The following CHD7 variants were observed in gnomAD, a reference collection of about 807,000 sequenced individuals.
The protein encoded by CHD7 is chromodomain helicase DNA binding protein 7, also known as ATP-dependent chromatin remodeler CHD7.
CHD7 carries 24 observed loss-of-function variants against 307.3 expected under a neutral mutation model. The ratio of observed to expected loss-of-function variants is 0.08; its 90% CI spans 0.06 to 0.11. The LOEUF (loss-of-function observed/expected upper bound fraction) is 0.11. Among genes scored for constraint, CHD7 ranks in the 10% least tolerant of loss-of-function variants. The pLI is 1.00. For missense variants in CHD7, 3,106 were observed against 3,727.1 expected (o/e 0.83, Z 4.34); for synonymous variants, 1,363 against 1,349.9 (o/e 1.01, Z -0.21).
rs1355483450 is a variant in CHD7, at chr8:60,773,767, C to T, written c.1666-7233C>T. On this transcript the variant is annotated intron_variant, in intron 2 of 37. Coordinates refer to ENST00000423902, the MANE Select transcript of CHD7 (RefSeq NM_017780.4). ...ACAAATTAGGCCTCGATATTGATTG[C>T]ATTGAATTATGCTAGTGGAGTGATT... Among the ~76,000 whole-genome samples, 3 of 152,098 alleles carry T rather than the reference C, an allele frequency of 2.0e-5. No homozygotes were observed. In the East Asian group the frequency reaches 5.8e-4, roughly 29 times the overall value.
intron 16 of CHD7, among the ~76,000 whole-genome samples, chr8:60,836,609 GA>G (rs879833892): frequency 1.3e-5 from 2 of 152,112 alleles, no homozygotes; most frequent in Admixed American, 1.3e-4. Context: ...TTTCCCTGGA[GA>G]GGAAGTAAAA....
At chr8:60,718,039 G>T (rs1241162976) in intron 1 of CHD7, among the ~76,000 whole-genome samples, 9 of 152,122 alleles carry the variant, frequency 5.9e-5, no homozygotes, top group Non-Finnish European at 8.8e-5. Flanking sequence ...TATCATAGGA[G>T]ATGACAGTTC....
rs191013120 is a variant in CHD7 at position 60,726,536 on chromosome 8, C to T, written c.-174-14723C>T. ...CAGGTTAAAACAGGAAATGTGTGAT[C>T]GTCTGCACTGAGTGCTAATTATCTA... On this transcript the variant is annotated intron_variant, in intron 1 of 37. Coordinates refer to ENST00000423902, the MANE Select transcript of CHD7 (RefSeq NM_017780.4). Among the ~76,000 whole-genome samples, 9 of 152,298 alleles carry T rather than the reference C, an allele frequency of 5.9e-5. No individual in the cohort carries two copies. The East Asian group carries it at 1.5e-3, about 26-fold the overall frequency.
At chr8:60,861,295 T>C in intron 35 of CHD7, 170 bp downstream of exon 35, 2 of 577,812 alleles carry the variant, frequency 3.5e-6, no homozygotes, top group Non-Finnish European at 3.0e-6. Flanking sequence ...TTACAGATAC[T>C]AGCTTCAGGT....
At chr8:60,700,072 A>G (rs1372562230) in intron 1 of CHD7, among the ~76,000 whole-genome samples, 1 of 152,142 alleles carries the variant, frequency 6.6e-6, no homozygotes, top group African/African-American at 2.4e-5. Context: ...TCCCGACCTC[A>G]GGTGATCTGC....
chr8:60,723,460 T>C (rs1000121415), intron 1 of CHD7, among the ~76,000 whole-genome samples: 6 of 152,186 alleles, frequency 3.9e-5, no homozygotes. Flanking sequence ...ATGGAATGGT[T>C]ACTGACATTT....
intron 23 of CHD7, 118 bp from the exon 24 acceptor site, chr8:60,848,397 C>A: frequency 1.5e-6 from 1 of 674,554 alleles, no homozygotes; most frequent in South Asian, 1.8e-5. Flanking sequence ...GCCTACCATA[C>A]AGCATGGCTA....
At chr8:60,763,732 C>T (rs1810333818) in intron 2 of CHD7, among the ~76,000 whole-genome samples, 1 of 151,982 alleles carries the variant, frequency 6.6e-6, no homozygotes, top group South Asian at 2.1e-4. Context: ...CTCTTTAAGC[C>T]CAGCATAAGA....
chr8:60,747,846 G>A (rs1321922795), intron 2 of CHD7, among the ~76,000 whole-genome samples: 1 of 152,202 alleles, frequency 6.6e-6, no homozygotes, highest in Admixed American at 6.5e-5. Context: ...TCTGAAGTGA[G>A]GGATCATATG....
At chr8:60,829,635 A>T (rs975697122) in intron 14 of CHD7, among the ~76,000 whole-genome samples, 1 of 152,080 alleles carries the variant, frequency 6.6e-6, no homozygotes, top group African/African-American at 2.4e-5. Flanking sequence ...GTGCTTGGCT[A>T]TTTTATATGC....
chr8:60,727,819 AT>A (rs1808249376), intron 1 of CHD7, among the ~76,000 whole-genome samples: 1 of 151,904 alleles, frequency 6.6e-6, no homozygotes, highest in African/African-American at 2.4e-5. Flanking sequence ...CTCTGTGTGA[AT>A]TTTTTTCTAC....
chr8:60,854,231 C>G, intron 31 of CHD7, 132 bp from the exon 32 acceptor site: 1 of 698,260 alleles, frequency 1.4e-6, no homozygotes, highest in South Asian at 2.0e-5. Context: ...GTGCCCAATA[C>G]CATTCTAGCC....
At position 60,781,230 on chromosome 8, in the gene CHD7, C is replaced by T; in HGVS notation, c.1896C>T (p.Asn632=). ...GGVDNQELNR[N]SLDGSQEEKK... ...TAGATAACCAAGAACTAAATAGGAA[C>T]TCACTGGATGGGTCCCAAGAAGAAA... Residue 632 remains asparagine, a synonymous_variant, in exon 3 of 38, where the codon AAC becomes AAT. Coordinates refer to ENST00000423902, the MANE Select transcript of CHD7 (RefSeq NM_017780.4). 1.3e-6 allele frequency: 2 copies of T among 1,588,380 alleles called. No individual in the cohort carries two copies. The highest frequency in any genetic ancestry group is 2.3e-5 in the South Asian group (2 of 87,418).
chr8:60,861,906 C>A, intron 35 of CHD7: 1 of 210,936 alleles, frequency 4.7e-6, no homozygotes, highest in Non-Finnish European at 9.4e-6. Context: ...CTACAGAAAG[C>A]CTCCTTTAAA....
chr8:60,853,276 A>T lies in CHD7; in HGVS notation c.6551A>T (p.Lys2184Met), dbSNP rs749435288. The stretch of plus-strand genomic sequence containing the variant: ...GAGGAGCCTGAAAACCCAGCTGCCA[A>T]GGAGAAATGTGAGGGCAAAGAAGAG... Reference protein sequence around the residue: ...KVEEPENPAAKEKCEGKEEEE... With the variant: ...KVEEPENPAAMEKCEGKEEEE... The change falls in exon 31 of 38, where the codon AAG becomes ATG. Residue 2184 changes from lysine (K) to methionine (M), a missense_variant. This residue lies in a region of CHD7 where 1,030 missense variants were observed against 1,165.4 expected (regional missense o/e 0.88). Coordinates refer to ENST00000423902, the MANE Select transcript of CHD7 (RefSeq NM_017780.4). 1.2e-6 allele frequency: 2 copies of T among 1,612,034 alleles called. No homozygotes were observed. The highest frequency in any genetic ancestry group is 1.7e-6 in the Non-Finnish European group (2 of 1,178,600).
chr8:60,833,833 A>G (rs1474055699), intron 15 of CHD7, among the ~76,000 whole-genome samples: 3 of 152,238 alleles, frequency 2.0e-5, no homozygotes, highest in Non-Finnish European at 2.9e-5. Context: ...TTTAGCTGTG[A>G]TATCACAAGG....
intron 1 of CHD7, among the ~76,000 whole-genome samples, chr8:60,735,580 G>A (rs892974188): frequency 6.6e-6 from 1 of 152,034 alleles, no homozygotes; most frequent in East Asian, 1.9e-4. Flanking sequence ...TATATGTTGG[G>A]AGATAATACA....
chr8:60,820,501 T>C (rs532030803), intron 9 of CHD7, among the ~76,000 whole-genome samples: 3 of 152,322 alleles, frequency 2.0e-5, no homozygotes, highest in African/African-American at 7.2e-5. Flanking sequence ...ATGAATTCAT[T>C]TAATGTGGTA....
chr8:60,840,843 C>T lies in CHD7; in HGVS notation c.4534-801C>T, dbSNP rs965058648. On this transcript the variant is annotated intron_variant, in intron 19 of 37. Coordinates refer to ENST00000423902, the MANE Select transcript of CHD7 (RefSeq NM_017780.4). Reference sequence around the variant, plus strand: ...ATGTTAGCCAGGCTGGTCTCAAACTCCTGACCTCAAGCCATCTACCCACCT... The same window carrying T: ...ATGTTAGCCAGGCTGGTCTCAAACTTCTGACCTCAAGCCATCTACCCACCT... Among the ~76,000 whole-genome samples, 4 of 152,256 alleles carry T rather than the reference C, an allele frequency of 2.6e-5. No homozygotes were observed. In the South Asian group the frequency reaches 8.3e-4, roughly 32 times the overall value.
Sources: allele counts gnomAD v4.1 joint callset (sites outside exome capture counted in the v4.1 genomes callset), GRCh38; gene constraint gnomAD v4.1.1; regional missense constraint gnomAD v4.1.1; transcripts MANE v1.5; gene names NCBI Gene and HGNC (gene_info 2026-07-23, HGNC 2026-07-21).